The following PCLO variants were observed in gnomAD, a reference collection of about 807,000 sequenced individuals.
PCLO encodes protein piccolo.
PCLO carries 82 observed loss-of-function variants against 427.5 expected under a neutral mutation model. That is an observed-to-expected ratio of 0.19 (90% confidence interval 0.16 to 0.23). The LOEUF (loss-of-function observed/expected upper bound fraction) is 0.23, where lower values mean the gene tolerates loss of function less well. Ranked by LOEUF, PCLO falls within the 10% of genes least tolerant of loss-of-function variation. The pLI is 1.00. For synonymous variants in PCLO, 2,357 were observed against 2,155.4 expected, an observed-to-expected ratio of 1.09 and a Z score of -2.59; for missense variants, 6,239 against 6,115.9, an observed-to-expected ratio of 1.02 and a Z score of -0.67.
At chr7:82,990,760 T>C (rs41568) in intron 3 of PCLO, among the ~76,000 whole-genome samples, 110,222 of 152,012 alleles carry the variant, frequency 0.73, 40,327 homozygotes, top group East Asian at 0.92. Context: ...AATGTGACTA[T>C]GCTCTCTGAG....
intron 22 of PCLO, among the ~76,000 whole-genome samples, chr7:82,786,943 G>T (rs562769822): frequency 6.6e-6 from 1 of 152,150 alleles, no homozygotes; most frequent in South Asian, 2.1e-4. Context: ...TGGCTGTATA[G>T]TATTCCATGG....
chr7:82,966,396 C>A lies in PCLO; in HGVS notation c.3392G>T (p.Gly1131Val). Residue 1131 changes from glycine to valine, a missense_variant, in exon 4 of 25, where the codon GGA becomes GTA. Physicochemically the swap from Gly to Val is moderately radical, Grantham distance 109. This residue lies in a region of PCLO where 4,677 missense variants were observed against 4,468.4 expected (regional missense o/e 1.05). Coordinates refer to ENST00000333891, the MANE Select transcript of PCLO (RefSeq NM_033026.6). ...DIRKMPPAPS[G>V]PKASPMPVPT... ...AACAGGCATAGGAGATGCTTTGGGTCCTGATGGTGCAGGTGGCATTTTGCG... is the reference window on the plus strand; with the variant it reads ...AACAGGCATAGGAGATGCTTTGGGTACTGATGGTGCAGGTGGCATTTTGCG... The A allele has an allele frequency of 6.2e-7, 1 of 1,613,690 alleles. No homozygotes were observed. Among genetic ancestry groups the A allele is most frequent in the Non-Finnish European group, 8.5e-7 (1 of 1,179,790 alleles).
chr7:83,085,786 AAT>A (rs1440098200), intron 3 of PCLO, among the ~76,000 whole-genome samples: 4 of 152,060 alleles, frequency 2.6e-5, no homozygotes, highest in Admixed American at 1.3e-4. Flanking sequence ...GTAAATAATA[AAT>A]AGTTAATTTT....
chr7:82,771,650 C>G (rs1258932229), intron 22 of PCLO, among the ~76,000 whole-genome samples: 1 of 152,064 alleles, frequency 6.6e-6, no homozygotes, highest in Non-Finnish European at 1.5e-5. Context: ...AAAGGTCACA[C>G]AACTGGATTA....
intron 24 of PCLO, among the ~76,000 whole-genome samples, chr7:82,759,682 T>A (rs1017512796): frequency 6.6e-6 from 1 of 151,966 alleles, no homozygotes; most frequent in Non-Finnish European, 1.5e-5. Context: ...ATCTTTTATC[T>A]TTGTCTCTAA....
At chr7:82,897,440 T>C (rs1448718471) in intron 9 of PCLO, among the ~76,000 whole-genome samples, 1 of 151,518 alleles carries the variant, frequency 6.6e-6, no homozygotes, top group Admixed American at 6.6e-5. Flanking sequence ...TTTGCATACA[T>C]TACAAAATTA....
intron 3 of PCLO, among the ~76,000 whole-genome samples, chr7:82,990,076 A>C (rs1796343035): frequency 1.3e-5 from 2 of 152,158 alleles, no homozygotes; most frequent in Non-Finnish European, 2.9e-5. Context: ...AGGGGACTTT[A>C]AGTTAGACTT....
chr7:82,932,207 T>C (rs918000700), intron 6 of PCLO, among the ~76,000 whole-genome samples: 3 of 152,138 alleles, frequency 2.0e-5, no homozygotes, highest in Admixed American at 6.6e-5. Flanking sequence ...GAACTTTTAG[T>C]TAATATTTCC....
At chr7:83,074,495 T>C (rs190314846) in intron 3 of PCLO, among the ~76,000 whole-genome samples, 15 of 149,814 alleles carry the variant, frequency 1.0e-4, no homozygotes, top group Admixed American at 9.5e-4. Context: ...CATGGACACC[T>C]ATGAGACGTA....
chr7:83,162,286 C>T (rs1792459054), intron 1 of PCLO, 59 bp downstream of exon 1: 1 of 1,507,838 alleles, frequency 6.6e-7, no homozygotes, highest in Admixed American at 2.0e-5. Context: ...CAGGCTGGCA[C>T]ATATGTGCAC....
Position 83,050,276 on chromosome 7 carries a change from A to ATTT in PCLO, c.3301-83790_3301-83789insAAA, listed in dbSNP as rs768372950. Among the ~76,000 whole-genome samples, 66 of 127,150 alleles carry ATTT rather than the reference A, an allele frequency of 5.2e-4. 2 individuals are homozygous for ATTT. In the East Asian group the frequency reaches 0.013, roughly 25 times the overall value. The allele number at this position is 127,150 out of a possible 152,430, so 83.4% of individuals were successfully genotyped here. A position where few individuals can be genotyped will look rare whatever the true frequency, so the allele number is the denominator to read the frequency against. On this transcript the variant is annotated intron_variant, in intron 3 of 24. Coordinates refer to ENST00000333891, the MANE Select transcript of PCLO (RefSeq NM_033026.6). ...AAAAAACTAGAAGTGCTTTTTAAAA[A>ATTT]AAAAAAAAAAAAACAAAACCAAAAA...
chr7:82,984,329 T>A (rs1405781952), intron 3 of PCLO, among the ~76,000 whole-genome samples: 1 of 151,882 alleles, frequency 6.6e-6, no homozygotes, highest in Non-Finnish European at 1.5e-5. Flanking sequence ...TTATCTTGAA[T>A]TATTACAAAA....
intron 3 of PCLO, among the ~76,000 whole-genome samples, chr7:83,066,515 T>C (rs1789673769): frequency 6.6e-6 from 1 of 152,176 alleles, no homozygotes; most frequent in Admixed American, 6.6e-5. Flanking sequence ...ACTAGGACTT[T>C]GTCCATCTGT....
At chr7:83,057,698 T>A (rs947560895) in intron 3 of PCLO, among the ~76,000 whole-genome samples, 1 of 151,882 alleles carries the variant, frequency 6.6e-6, no homozygotes, top group Non-Finnish European at 1.5e-5. Flanking sequence ...TATGATCTTA[T>A]ACCTACATCA....
intron 3 of PCLO, among the ~76,000 whole-genome samples, chr7:83,058,555 T>C (rs1242949868): frequency 1.3e-5 from 2 of 152,156 alleles, no homozygotes; most frequent in Non-Finnish European, 2.9e-5. Context: ...ATTAAATATA[T>C]ATATACCTCA....
chr7:82,849,804 A>T (rs1792602368), intron 10 of PCLO, among the ~76,000 whole-genome samples: 1 of 152,138 alleles, frequency 6.6e-6, no homozygotes, highest in Admixed American at 6.5e-5. Flanking sequence ...AAGCATTTTT[A>T]GTCTCAAAAC....
At chr7:82,968,818 C>T (rs1268278091) in intron 3 of PCLO, among the ~76,000 whole-genome samples, 2 of 152,064 alleles carry the variant, frequency 1.3e-5, no homozygotes, top group African/African-American at 4.8e-5. Context: ...TGCGCCCAGC[C>T]CCAGAGCCTG....
intron 2 of PCLO, among the ~76,000 whole-genome samples, chr7:83,136,399 A>T (rs775210819): frequency 3.3e-5 from 5 of 152,094 alleles, no homozygotes; most frequent in African/African-American, 4.8e-5. Context: ...CAGTTATGAG[A>T]GTTATTTTCT....
At chr7:83,065,056 CAA>C (rs61255338) in intron 3 of PCLO, among the ~76,000 whole-genome samples, 316 of 140,050 alleles carry the variant, frequency 2.3e-3, no homozygotes, top group Middle Eastern at 3.8e-3. Flanking sequence ...GCTTGGGTTC[CAA>C]AAAAAAAAAA....
Sources: gnomAD v4.1 joint callset for allele counts (sites outside exome capture counted in the v4.1 genomes callset) on GRCh38, gnomAD v4.1.1 for gene constraint, gnomAD v4.1.1 regional missense constraint, MANE v1.5 for transcripts, NCBI Gene and HGNC (gene_info 2026-07-23, HGNC 2026-07-21) for gene names.